The following WRN variants were observed in gnomAD, a reference collection of about 807,000 sequenced individuals.
The protein encoded by WRN is bifunctional 3'-5' exonuclease/ATP-dependent helicase WRN.
A neutral mutation model predicts 180.7 loss-of-function variants in WRN; 149 were observed. The ratio of observed to expected loss-of-function variants is 0.82; its 90% CI spans 0.72 to 0.94. WRN has a LOEUF of 0.94. WRN is among the 40% of genes least tolerant of loss of function. The probability of loss-of-function intolerance (pLI) is 0.00; values close to 1 mark genes in which losing one functional copy is unlikely to be tolerated. For synonymous variants in WRN, 548 were observed against 568.9 expected (o/e 0.96, Z 0.52); for missense variants, 1,661 against 1,700.1 (o/e 0.98, Z 0.40).
chr8:31,062,270 C>T (rs1812516334), intron 3 of WRN, among the ~76,000 whole-genome samples: 1 of 152,104 alleles, frequency 6.6e-6, no homozygotes, highest in South Asian at 2.1e-4. Flanking sequence ...TGGCCTGAAG[C>T]AGAAGCTGAG....
At chr8:31,140,945 C>T (rs775800938) in intron 24 of WRN, among the ~76,000 whole-genome samples, 7 of 151,964 alleles carry the variant, frequency 4.6e-5, no homozygotes, top group Non-Finnish European at 7.4e-5. Context: ...TTAGTAGAGA[C>T]GGGGTTTCAC....
chr8:31,120,424 G>A lies in WRN; in HGVS notation c.2630G>A (p.Arg877Lys). The change falls in exon 21 of 35, where the codon AGG (arginine) becomes AAG (lysine). Residue 877 changes from arginine (R) to lysine (K), a missense_variant and splice_region_variant. Physicochemically the swap from Arg to Lys is conservative, Grantham distance 26. Coordinates refer to ENST00000298139, the MANE Select transcript of WRN (RefSeq NM_000553.6). ...GCTCCTGCAGACATTAACTTAAATA[G>A]GTAAAAAAAATTTATTGTTTTTACT... is the stretch of plus-strand genomic sequence containing the variant. ...LWAPADINLN[R>K]HLLTEIRNEK... The A allele has an allele frequency of 1.2e-6, 2 of 1,608,664 alleles. No individual in the cohort carries two copies. The highest frequency in any genetic ancestry group is 8.5e-7 in the Non-Finnish European group (1 of 1,177,620).
At chr8:31,086,937 CATATTAGAGA>C (rs1321612715) in intron 11 of WRN, among the ~76,000 whole-genome samples, 2 of 152,078 alleles carry the variant, frequency 1.3e-5, no homozygotes, top group African/African-American at 4.8e-5. Flanking sequence ...CCTGGATGCC[CATATTAGAGA>C]ACTCTATTTT....
intron 33 of WRN, among the ~76,000 whole-genome samples, chr8:31,161,614 A>C (rs980330683): frequency 3.9e-5 from 6 of 152,074 alleles, no homozygotes; most frequent in Admixed American, 6.5e-5. Flanking sequence ...CGAGGCAGGC[A>C]GATCACTTGA....
At chr8:31,127,501 A>C (rs984733391) in intron 23 of WRN, among the ~76,000 whole-genome samples, 3 of 152,216 alleles carry the variant, frequency 2.0e-5, no homozygotes, top group African/African-American at 7.2e-5. Context: ...GTAAGACAAA[A>C]GAAGCATTAT....
At chr8:31,145,497 A>T (rs990703862) in intron 28 of WRN, among the ~76,000 whole-genome samples, 2 of 152,178 alleles carry the variant, frequency 1.3e-5, no homozygotes, top group African/African-American at 4.8e-5. Context: ...TCCTTTCAAA[A>T]TGTTATTGCT....
At chr8:31,149,863 CAAT>C (rs1251605098) in intron 30 of WRN, among the ~76,000 whole-genome samples, 9 of 151,960 alleles carry the variant, frequency 5.9e-5, no homozygotes, top group African/African-American at 1.7e-4. Flanking sequence ...ATATTGGACA[CAAT>C]AAGAAATATT....
intron 17 of WRN, among the ~76,000 whole-genome samples, chr8:31,098,450 A>G (rs1281504101): frequency 6.6e-6 from 1 of 152,120 alleles, no homozygotes; most frequent in Non-Finnish European, 1.5e-5. Context: ...TTTTTTTGTA[A>G]TGGATGAGTT....
intron 33 of WRN, among the ~76,000 whole-genome samples, chr8:31,164,458 T>C (rs144458378): frequency 1.1e-3 from 160 of 142,828 alleles, no homozygotes; most frequent in Admixed American, 1.8e-3. Flanking sequence ...TATGACACAA[T>C]ATTTACCTAA....
At chr8:31,041,738 T>G (rs35529280) in intron 1 of WRN, among the ~76,000 whole-genome samples, 16,703 of 152,032 alleles carry the variant, frequency 0.11, 1,135 homozygotes, top group African/African-American at 0.19. Flanking sequence ...GTAAATAGAT[T>G]AGGGAAAAGT....
In WRN at chr8:31,090,510, T is replaced by G. The variant is rs571962311; in HGVS notation, c.1698T>G (p.Asp566Glu). 1 of 1,612,314 alleles carries G rather than the reference T, an allele frequency of 6.2e-7. No individual in the cohort carries two copies. The highest frequency in any genetic ancestry group is 1.1e-5 in the South Asian group (1 of 90,972). Residue 566 changes from aspartate (D) to glutamate (E), a missense_variant, in exon 14 of 35, where the codon GAT becomes GAG. Physicochemically the swap from Asp to Glu is conservative, Grantham distance 45. This residue lies in a region of WRN where 1,141 missense variants were observed against 1,149.4 expected (regional missense o/e 0.99). Transcript: ENST00000298139. ...VIHSVLEERR[D>E]NVAVMATGYG... ...ATTCAGTATTAGAAGAAAGAAGAGATAATGTTGCTGTCATGGCAACTGGTA... is the reference window on the plus strand; with the variant it reads ...ATTCAGTATTAGAAGAAAGAAGAGAGAATGTTGCTGTCATGGCAACTGGTA...
intron 6 of WRN, 69 bp downstream of exon 6, chr8:31,067,251 A>T: frequency 6.4e-7 from 1 of 1,562,746 alleles, no homozygotes; most frequent in Middle Eastern, 1.7e-4. Context: ...ACTTTAGAAA[A>T]ATTTTATTAT....
intron 30 of WRN, among the ~76,000 whole-genome samples, chr8:31,148,018 G>T (rs1026416352): frequency 2.0e-5 from 3 of 151,672 alleles, no homozygotes; most frequent in Non-Finnish European, 2.9e-5. Flanking sequence ...CTCCCGAGTA[G>T]CTGGGACTAC....
At position 31,174,689 on chromosome 8, in the gene WRN, T is replaced by C. The variant is rs1440103607; in HGVS notation, c.*1587T>C. Among the ~76,000 whole-genome samples the C allele has an allele frequency of 1.3e-5, 2 of 152,110 alleles. No individual in the cohort carries two copies. Among genetic ancestry groups the C allele is most frequent in the Non-Finnish European group, 2.9e-5 (2 of 68,024 alleles). ...CTACTACTACTACTAATTCTTCTTCTGATTCTTCTTCTTCTCCTTCTTCCT... is the reference window on the plus strand; with the variant it reads ...CTACTACTACTACTAATTCTTCTTCCGATTCTTCTTCTTCTCCTTCTTCCT... On this transcript the variant is annotated 3_prime_UTR_variant, in exon 35 of 35. Transcript: ENST00000298139.
At chr8:31,048,953 G>C (rs1811978368) in intron 1 of WRN, among the ~76,000 whole-genome samples, 1 of 151,920 alleles carries the variant, frequency 6.6e-6, no homozygotes, top group African/African-American at 2.4e-5. Flanking sequence ...TCTGTTGTCA[G>C]ACTAGTTGTA....
intron 9 of WRN, among the ~76,000 whole-genome samples, chr8:31,082,696 A>C (rs1813365762): frequency 6.6e-6 from 1 of 151,740 alleles, no homozygotes; most frequent in African/African-American, 2.4e-5. Context: ...TCCCCGGTTC[A>C]AGTGATTCTC....
intron 18 of WRN, among the ~76,000 whole-genome samples, chr8:31,104,057 A>C (rs963975601): frequency 6.6e-6 from 1 of 152,210 alleles, no homozygotes; most frequent in African/African-American, 2.4e-5. Context: ...TAATGGGTGA[A>C]TGGTTAAACA....
intron 17 of WRN, among the ~76,000 whole-genome samples, 180 bp downstream of exon 17, chr8:31,097,030 C>G (rs1012117533): frequency 3.9e-5 from 6 of 152,094 alleles, no homozygotes; most frequent in South Asian, 2.1e-4. Context: ...CTCTATAATT[C>G]CTTTTGCTAT....
At chr8:31,146,240 TCC>T (rs1802851956) in intron 28 of WRN, among the ~76,000 whole-genome samples, 2 of 150,800 alleles carry the variant, frequency 1.3e-5, no homozygotes, top group Non-Finnish European at 1.5e-5. Flanking sequence ...CCTCCTTCAT[TCC>T]TCCTCCAATA....
Sources: allele counts gnomAD v4.1 joint callset (sites outside exome capture counted in the v4.1 genomes callset), GRCh38; gene constraint gnomAD v4.1.1; regional missense constraint gnomAD v4.1.1; transcripts MANE v1.5; gene names NCBI Gene and HGNC (gene_info 2026-07-23, HGNC 2026-07-21).